Variants in VASH1 observed in about 807,000 individuals in gnomAD.
The protein encoded by VASH1 is vasohibin 1, also known as tubulinyl-Tyr carboxypeptidase 1.
A neutral mutation model predicts 35.0 loss-of-function variants in VASH1; 16 were observed. That is an observed-to-expected ratio of 0.46 (90% CI 0.31 to 0.70). The LOEUF (loss-of-function observed/expected upper bound fraction) is 0.70, where lower values mean the gene tolerates loss of function less well. VASH1 is among the 30% of genes least tolerant of loss of function. The pLI is 0.05. For synonymous variants in VASH1, 214 were observed against 200.9 expected (o/e 1.07, Z -0.55); for missense variants, 505 against 510.7 (o/e 0.99, Z 0.11).
At chr14:76,776,368 A>G (rs1893944790) in intron 5 of VASH1, 95 bp downstream of exon 5, 3 of 1,430,030 alleles carry the variant, frequency 2.1e-6, no homozygotes, top group Non-Finnish European at 2.8e-6. Context: ...GGAGCTTCTC[A>G]GGGGACTGGG....
intron 3 of VASH1, among the ~76,000 whole-genome samples, chr14:76,772,797 C>T (rs1358959304): frequency 6.6e-6 from 1 of 152,244 alleles, no homozygotes; most frequent in African/African-American, 2.4e-5. Context: ...CAGAAGGCCC[C>T]AGCCTGGTGG....
At chr14:76,776,641 G>C (rs1198188125) in intron 5 of VASH1, among the ~76,000 whole-genome samples, 2 of 152,166 alleles carry the variant, frequency 1.3e-5, no homozygotes, top group East Asian at 1.9e-4. Flanking sequence ...CTAGGAGGTG[G>C]TCAGAAGAAA....
rs1216304864 is a variant in VASH1, at chr14:76,778,954, G to A, written c.1034G>A (p.Gly345Asp). The A allele has an allele frequency of 2.5e-6, 4 of 1,614,056 alleles. No individual in the cohort carries two copies. The highest frequency in any genetic ancestry group is 1.3e-5 in the African/African-American group (1 of 74,930). ...RNSRSERRPS[G>D]DKKTSEPKAM... ...CTCTCTTCCTCCCACAGGCCCTCGG[G>A]TGACAAGAAGACTTCCGAGCCCAAA... Residue 345 changes from glycine to aspartate, a missense_variant, in exon 7 of 7, where the codon GGT becomes GAT. Coordinates refer to ENST00000167106, the MANE Select transcript of VASH1 (RefSeq NM_014909.5).
chr14:76,779,477 T>G lies in VASH1; in HGVS notation c.*459T>G. 1 of 701,712 alleles carries G rather than the reference T, an allele frequency of 1.4e-6. No homozygotes were observed. The highest frequency in any genetic ancestry group is 2.7e-5 in the East Asian group (1 of 37,242). The allele number at this position is 701,712 out of a possible 1,614,324, so 43.5% of individuals were successfully genotyped here. A position where few individuals can be genotyped will look rare whatever the true frequency, so the allele number is the denominator to read the frequency against. On this transcript the variant is annotated 3_prime_UTR_variant, in exon 7 of 7. Transcript: ENST00000167106. Reference sequence around the variant, plus strand: ...GGGGGTGGGGGTGGGGTGGAGATGTTTCTCCAGTTCTGCCTGCCCTGGCAG... The same window carrying G: ...GGGGGTGGGGGTGGGGTGGAGATGTGTCTCCAGTTCTGCCTGCCCTGGCAG...
chr14:76,762,667 T>G lies in VASH1; in HGVS notation c.-155T>G. 1 of 599,732 alleles carries G rather than the reference T, an allele frequency of 1.7e-6. No homozygotes were observed. The highest frequency in any genetic ancestry group is 2.6e-6 in the Non-Finnish European group (1 of 385,656). 37.2% of individuals were successfully genotyped at this position (599,732 alleles called of 1,614,324 possible). ...ATTCACCTTATTGCACTGATTTTTT[T>G]TATCAAGTCGTATTTTATTGTACAG... On this transcript the variant is annotated 5_prime_UTR_variant, in exon 1 of 7. Coordinates refer to ENST00000167106, the MANE Select transcript of VASH1 (RefSeq NM_014909.5).
intron 1 of VASH1, among the ~76,000 whole-genome samples, chr14:76,763,977 C>T (rs536384260): frequency 4.0e-4 from 60 of 150,812 alleles, no homozygotes; most frequent in African/African-American, 1.4e-3. Flanking sequence ...CTGTGCTGTA[C>T]GCTGCTATAT....
chr14:76,771,561 CAG>C (rs1458189761), intron 3 of VASH1, among the ~76,000 whole-genome samples: 1 of 152,154 alleles, frequency 6.6e-6, no homozygotes, highest in Non-Finnish European at 1.5e-5. Flanking sequence ...AGGTGAGCCT[CAG>C]ATCTTTTGTT....
chr14:76,769,825 A>C, intron 1 of VASH1, 138 bp from the exon 2 acceptor site: 1 of 843,964 alleles, frequency 1.2e-6, no homozygotes. Context: ...GTGCCAAGAA[A>C]GGAAGCTCAA....
Position 76,779,450 on chromosome 14 carries a change from TG to T in VASH1, c.*438del, listed in dbSNP as rs1894041312. On this transcript the variant is annotated 3_prime_UTR_variant, in exon 7 of 7. Coordinates refer to ENST00000167106, the MANE Select transcript of VASH1 (RefSeq NM_014909.5). ...TCTCCCAGCCTTACCAGGCCTGTGA[TG>T]GGGGGTGGGGGTGGGGTGGAGATGT... 1.8e-5 allele frequency: 4 copies of T among 226,138 alleles called. No individual in the cohort carries two copies. The highest frequency in any genetic ancestry group is 9.3e-5 in the Admixed American group (1 of 10,702). The allele number at this position is 226,138 out of a possible 1,614,324, so 14.0% of individuals were successfully genotyped here.
intron 3 of VASH1, among the ~76,000 whole-genome samples, chr14:76,772,104 G>T (rs1197873076): frequency 6.6e-6 from 1 of 152,148 alleles, no homozygotes; most frequent in African/African-American, 2.4e-5. Flanking sequence ...GCTGGGCGTG[G>T]TGGTGGGTGC....
intron 1 of VASH1, among the ~76,000 whole-genome samples, chr14:76,765,533 TGGGTGCCA>T (rs1189078046): frequency 1.3e-5 from 2 of 152,132 alleles, no homozygotes; most frequent in Non-Finnish European, 2.9e-5. Context: ...GTTGGGTGCC[TGGGTGCCA>T]GGGTGCCAGT....
rs1320783781 is a variant in VASH1 at position 76,761,537 on chromosome 14, GGCGGCGGGGCTGCAGCA to G, written c.-1277_-1261del. 1 of 152,886 alleles carries G rather than the reference GGCGGCGGGGCTGCAGCA, an allele frequency of 6.5e-6. No homozygotes were observed. The highest frequency in any genetic ancestry group is 1.5e-5 in the Non-Finnish European group (1 of 68,170). 9.5% of individuals were successfully genotyped at this position (152,886 alleles called of 1,614,324 possible). ...GTGGTCGGCGGCAGCGGGGCCCAGGGGCGGCGGGGCTGCAGCAGCGGCGGCCCCAGCTTCGCCGAGCA... is the reference window on the plus strand; with the variant it reads ...GTGGTCGGCGGCAGCGGGGCCCAGGGGCGGCGGCCCCAGCTTCGCCGAGCA... On this transcript the variant is annotated 5_prime_UTR_variant, in exon 1 of 7. Coordinates refer to ENST00000167106, the MANE Select transcript of VASH1 (RefSeq NM_014909.5).
At chr14:76,766,504 A>C (rs1893646475) in intron 1 of VASH1, among the ~76,000 whole-genome samples, 1 of 152,246 alleles carries the variant, frequency 6.6e-6, no homozygotes, top group South Asian at 2.1e-4. Flanking sequence ...GCAGTGGCAC[A>C]GTCATGGCTC....
chr14:76,765,868 C>A (rs938465301), intron 1 of VASH1, among the ~76,000 whole-genome samples: 1 of 152,174 alleles, frequency 6.6e-6, no homozygotes, highest in Non-Finnish European at 1.5e-5. Context: ...GTTACTTGCC[C>A]GGCCCCTGCA....
Position 76,782,533 on chromosome 14 carries a change from C to T in VASH1, c.*3515C>T, listed in dbSNP as rs2140196902. The T allele has an allele frequency of 6.6e-6, 1 of 152,352 alleles. No homozygotes were observed. The highest frequency in any genetic ancestry group is 2.1e-4 in the South Asian group (1 of 4,824). 9.4% of individuals were successfully genotyped at this position (152,352 alleles called of 1,614,324 possible). ...GTGAGCCCAGTGTCTGCCCTGTGTC[C>T]CTGGGCTCGCTCCAAGTGCAGGAAC... is the stretch of plus-strand genomic sequence containing the variant. On this transcript the variant is annotated 3_prime_UTR_variant, in exon 7 of 7. Coordinates refer to ENST00000167106, the MANE Select transcript of VASH1 (RefSeq NM_014909.5).
intron 4 of VASH1, among the ~76,000 whole-genome samples, chr14:76,775,479 G>GT (rs1189936587): frequency 6.6e-6 from 1 of 152,138 alleles, no homozygotes. Flanking sequence ...CAGGGTGAGG[G>GT]TAAGAGAAGA....
intron 1 of VASH1, among the ~76,000 whole-genome samples, chr14:76,767,397 A>G (rs533708578): frequency 2.6e-5 from 4 of 152,222 alleles, no homozygotes; most frequent in African/African-American, 9.6e-5. Context: ...TCCAGCTGCA[A>G]GCTCTCCCCA....
intron 1 of VASH1, among the ~76,000 whole-genome samples, chr14:76,763,458 G>C (rs1041330633): frequency 1.3e-5 from 2 of 152,222 alleles, no homozygotes; most frequent in African/African-American, 4.8e-5. Context: ...CCAAGCCAGA[G>C]AACTGTGAGC....
intron 1 of VASH1, chr14:76,769,366 C>A: frequency 7.8e-7 from 1 of 1,289,182 alleles, no homozygotes; most frequent in Non-Finnish European, 1.0e-6. Context: ...AGAGCTACAG[C>A]AAGACCTGTT....
Sources: gnomAD v4.1 joint callset for allele counts (sites outside exome capture counted in the v4.1 genomes callset) on GRCh38, gnomAD v4.1.1 for gene constraint, MANE v1.5 for transcripts, NCBI Gene and HGNC (gene_info 2026-07-23, HGNC 2026-07-21) for gene names.